The following METTL15 variants were observed in gnomAD, a reference collection of about 807,000 sequenced individuals.
METTL15 encodes 12S rRNA N(4)-cytidine methyltransferase METTL15.
In METTL15, 34 loss-of-function variants were observed where a neutral mutation model predicts 38.3. The observed-to-expected ratio is 0.89, with a 90% confidence interval of 0.68 to 1.18. METTL15 has a LOEUF of 1.18. METTL15 is among the 50% of genes most tolerant of loss of function. The pLI is 0.00. For missense variants in METTL15, 438 were observed against 498.4 expected, an observed-to-expected ratio of 0.88 and a Z score of 1.15; for synonymous variants, 162 against 170.9, an observed-to-expected ratio of 0.95 and a Z score of 0.41.
At chr11:28,187,280 A>G (rs556223953) in intron 3 of METTL15, among the ~76,000 whole-genome samples, 1 of 151,398 alleles carries the variant, frequency 6.6e-6, no homozygotes, top group South Asian at 2.1e-4. Flanking sequence ...AGCTTTGAGT[A>G]TCTTTGTTGT....
At chr11:28,521,430 G>T (rs998182746) in intron 6 of METTL15, among the ~76,000 whole-genome samples, 6 of 152,228 alleles carry the variant, frequency 3.9e-5, no homozygotes, top group African/African-American at 1.4e-4. Context: ...GGAGAGTTGG[G>T]TGTATAAGTT....
chr11:28,461,123 C>A (rs1165566649), intron 6 of METTL15, among the ~76,000 whole-genome samples: 1 of 151,980 alleles, frequency 6.6e-6, no homozygotes, highest in Non-Finnish European at 1.5e-5. Context: ...TATTAACCCT[C>A]TGATCAGTCA....
intron 6 of METTL15, among the ~76,000 whole-genome samples, chr11:28,470,850 A>T (rs974153212): frequency 4.6e-5 from 7 of 152,118 alleles, no homozygotes. Context: ...TGCAGGGCTG[A>T]TGTGATGTAA....
intron 6 of METTL15, among the ~76,000 whole-genome samples, chr11:28,320,527 TTCAGCTTGGGTGATAG>T (rs1357148705): frequency 6.6e-6 from 1 of 152,038 alleles, no homozygotes; most frequent in African/African-American, 2.4e-5. Context: ...GCCATTGCAC[TTCAGCTTGGGTGATAG>T]TGAGACCCTG....
rs549800031 is a variant in METTL15, at chr11:28,117,463, A to C, written c.270+3859A>C. ...CCATGGAGTAGAAAAACAAACAAAAACAAATTGCACTACATCTTCTAGCAA... is the reference window on the plus strand; with the variant it reads ...CCATGGAGTAGAAAAACAAACAAAACCAAATTGCACTACATCTTCTAGCAA... On this transcript the variant is annotated intron_variant, in intron 3 of 6. Transcript: ENST00000407364. Among the ~76,000 whole-genome samples the C allele has an allele frequency of 3.9e-4, 60 of 152,098 alleles. 3 individuals are homozygous for C. In the South Asian group the frequency reaches 0.012, roughly 30 times the overall value.
chr11:28,266,273 G>A (rs1855414267), intron 4 of METTL15, among the ~76,000 whole-genome samples: 1 of 152,166 alleles, frequency 6.6e-6, no homozygotes, highest in South Asian at 2.1e-4. Flanking sequence ...TGTTTATTGC[G>A]GCGCTATTCA....
chr11:28,390,547 A>G (rs1431871825), intron 5 of METTL15, among the ~76,000 whole-genome samples: 5 of 151,966 alleles, frequency 3.3e-5, no homozygotes, highest in Admixed American at 1.3e-4. Flanking sequence ...GTAGATATGT[A>G]GTGTTATTTC....
chr11:28,131,434 G>A (rs1441990564), intron 3 of METTL15, among the ~76,000 whole-genome samples: 1 of 150,792 alleles, frequency 6.6e-6, no homozygotes, highest in Non-Finnish European at 1.5e-5. Flanking sequence ...TTTTGGTAAA[G>A]TGTGTAATTT....
At chr11:28,293,376 C>T (rs923648583) in intron 5 of METTL15, among the ~76,000 whole-genome samples, 2 of 151,928 alleles carry the variant, frequency 1.3e-5, no homozygotes, top group South Asian at 2.1e-4. Context: ...AGATATGCGG[C>T]GTTATTTCTG....
chr11:28,504,084 G>A (rs1320313546), intron 6 of METTL15, among the ~76,000 whole-genome samples: 1 of 151,378 alleles, frequency 6.6e-6, no homozygotes, highest in African/African-American at 2.4e-5. Context: ...TGTAATCCCA[G>A]CTACTTAGGA....
At chr11:28,278,667 C>A (rs1248235078) in intron 4 of METTL15, among the ~76,000 whole-genome samples, 3 of 152,206 alleles carry the variant, frequency 2.0e-5, no homozygotes, top group African/African-American at 4.8e-5. Flanking sequence ...TTACCTCTCT[C>A]TTGTCTTCAG....
At chr11:28,389,047 T>C (rs1590356769) in intron 5 of METTL15, among the ~76,000 whole-genome samples, 1 of 152,100 alleles carries the variant, frequency 6.6e-6, no homozygotes, top group Non-Finnish European at 1.5e-5. Context: ...TTCCATGGGG[T>C]ATACGTGCCA....
At position 28,408,131 on chromosome 11, in the gene METTL15, G is replaced by A. The variant is rs1447051240; in HGVS notation, c.*359-16168G>A. 3.3e-5 allele frequency among the ~76,000 whole-genome samples: 5 copies of A among 151,950 alleles called. No homozygotes were observed. The East Asian group carries it at 9.7e-4, about 29-fold the overall frequency. ...TGAGAACACATGGACACAGGTAAGG[G>A]AACAATACACACTGGGGCCTGTTGG... On this transcript the variant is annotated intron_variant and NMD_transcript_variant, in intron 5 of 7. Transcript: ENST00000532947.
At chr11:28,237,645 G>T (rs1357981645) in intron 4 of METTL15, among the ~76,000 whole-genome samples, 2 of 152,200 alleles carry the variant, frequency 1.3e-5, no homozygotes, top group Non-Finnish European at 2.9e-5. Flanking sequence ...TTGCTGGTGA[G>T]GAACTGCGTT....
intron 6 of METTL15, among the ~76,000 whole-genome samples, chr11:28,428,952 A>G (rs1043527157): frequency 6.6e-6 from 1 of 152,018 alleles, no homozygotes; most frequent in African/African-American, 2.4e-5. Context: ...CTGACCACCT[A>G]TTCATATTAC....
At chr11:28,240,368 A>G (rs1336738094) in intron 4 of METTL15, among the ~76,000 whole-genome samples, 1 of 152,210 alleles carries the variant, frequency 6.6e-6, no homozygotes, top group African/African-American at 2.4e-5. Context: ...TAACATAGGT[A>G]TCTTTTAAAT....
At chr11:28,186,497 G>A (rs1590126045) in intron 3 of METTL15, among the ~76,000 whole-genome samples, 1 of 150,862 alleles carries the variant, frequency 6.6e-6, no homozygotes, top group East Asian at 1.9e-4. Context: ...TTATTTTACT[G>A]GTTAACCCCT....
At chr11:28,193,721 A>G (rs953008172) in intron 3 of METTL15, among the ~76,000 whole-genome samples, 4 of 152,138 alleles carry the variant, frequency 2.6e-5, no homozygotes, top group African/African-American at 7.2e-5. Flanking sequence ...TATTTTCAGG[A>G]TGACTCTGAG....
chr11:28,146,342 C>G (rs1234634209), intron 3 of METTL15, among the ~76,000 whole-genome samples: 2 of 151,974 alleles, frequency 1.3e-5, no homozygotes, highest in African/African-American at 4.8e-5. Flanking sequence ...TCATAGGCAG[C>G]ATGAAGCCTC....
Sources: gnomAD v4.1 joint callset for allele counts (sites outside exome capture counted in the v4.1 genomes callset) on GRCh38, gnomAD v4.1.1 for gene constraint, MANE v1.5 for transcripts, NCBI Gene and HGNC (gene_info 2026-07-23, HGNC 2026-07-21) for gene names.